The following KIAA1217 variants were observed in gnomAD, a reference collection of about 807,000 sequenced individuals.
The protein encoded by KIAA1217 is KIAA1217.
In KIAA1217, 88 loss-of-function variants were observed where a neutral mutation model predicts 163.9. The observed-to-expected ratio is 0.54, with a 90% CI of 0.45 to 0.64. KIAA1217 has a LOEUF of 0.64. Among genes scored for constraint, KIAA1217 ranks in the 30% least tolerant of loss-of-function variants. The pLI is 0.00. For missense variants in KIAA1217, 2,372 were observed against 2,475.0 expected, an observed-to-expected ratio of 0.96 and a Z score of 0.88; for synonymous variants, 903 against 923.1, an observed-to-expected ratio of 0.98 and a Z score of 0.39.
intron 10 of KIAA1217, among the ~76,000 whole-genome samples, chr10:24,519,635 C>T (rs917918432): frequency 2.0e-5 from 3 of 152,216 alleles, no homozygotes; most frequent in Middle Eastern, 3.4e-3. Flanking sequence ...CGTGCAGTTT[C>T]CCCACACCAC....
chr10:24,312,597 G>A (rs1281565596), intron 2 of KIAA1217, among the ~76,000 whole-genome samples: 1 of 152,026 alleles, frequency 6.6e-6, no homozygotes, highest in Non-Finnish European at 1.5e-5. Context: ...CCAGCCTGGT[G>A]ACAGAATGAG....
chr10:24,517,125 C>T (rs932560176), intron 10 of KIAA1217, among the ~76,000 whole-genome samples: 3 of 150,164 alleles, frequency 2.0e-5, no homozygotes, highest in African/African-American at 7.4e-5. Context: ...CAAGGCTGCA[C>T]GATCACACCA....
At chr10:24,077,391 C>T (rs935437288) in intron 2 of KIAA1217, among the ~76,000 whole-genome samples, 2 of 152,166 alleles carry the variant, frequency 1.3e-5, no homozygotes, top group Non-Finnish European at 2.9e-5. Context: ...ACCGTGTGTT[C>T]TCATCATTCA....
chr10:24,215,541 C>T (rs929715814), intron 1 of KIAA1217, among the ~76,000 whole-genome samples: 9 of 152,204 alleles, frequency 5.9e-5, no homozygotes, highest in African/African-American at 2.2e-4. Context: ...TGGCCAGGCT[C>T]AGATCTCTGA....
intron 3 of KIAA1217, among the ~76,000 whole-genome samples, chr10:24,431,284 C>T (rs748486422): frequency 1.3e-5 from 2 of 152,168 alleles, no homozygotes; most frequent in Non-Finnish European, 2.9e-5. Context: ...GTAGTTCACC[C>T]CCAGTAGATT....
At chr10:24,193,564 T>C (rs969566370) in intron 2 of KIAA1217, among the ~76,000 whole-genome samples, 1 of 152,222 alleles carries the variant, frequency 6.6e-6, no homozygotes, top group Non-Finnish European at 1.5e-5. Context: ...TTCCTTTATC[T>C]GTGGGGGAGA....
At chr10:23,813,755 G>A (rs1837183776) in intron 1 of KIAA1217, among the ~76,000 whole-genome samples, 1 of 152,182 alleles carries the variant, frequency 6.6e-6, no homozygotes, top group African/African-American at 2.4e-5. Context: ...AAGAAGTAGA[G>A]TAACTGGGTC....
chr10:23,744,450 A>G (rs925122708), intron 1 of KIAA1217, among the ~76,000 whole-genome samples: 3 of 152,170 alleles, frequency 2.0e-5, no homozygotes, highest in Non-Finnish European at 4.4e-5. Flanking sequence ...TGTCAGTGGA[A>G]GGTGACAAAG....
At chr10:24,387,613 T>G (rs1039067101) in intron 3 of KIAA1217, among the ~76,000 whole-genome samples, 2 of 152,074 alleles carry the variant, frequency 1.3e-5, no homozygotes, top group Non-Finnish European at 2.9e-5. Flanking sequence ...GAAGTCAAAT[T>G]CTCCCTGTTT....
At chr10:23,704,782 T>G (rs775266466) in intron 1 of KIAA1217, among the ~76,000 whole-genome samples, 3 of 152,084 alleles carry the variant, frequency 2.0e-5, no homozygotes, top group Non-Finnish European at 2.9e-5. Context: ...ATACAAGTCT[T>G]TTTATGGGTA....
chr10:24,410,002 T>TTC (rs1473410487), intron 3 of KIAA1217, among the ~76,000 whole-genome samples: 17 of 146,712 alleles, frequency 1.2e-4, no homozygotes, highest in African/African-American at 4.0e-4. Context: ...TTTTTCTTTT[T>TTC]TTTTTTTTTT....
intron 1 of KIAA1217, among the ~76,000 whole-genome samples, chr10:23,792,401 C>T (rs902704887): frequency 4.6e-5 from 7 of 152,002 alleles, no homozygotes; most frequent in East Asian, 1.9e-4. Flanking sequence ...GTAAACTTTC[C>T]GCATATTAGT....
chr10:23,824,646 A>T (rs1261007562), intron 1 of KIAA1217, among the ~76,000 whole-genome samples: 19 of 97,376 alleles, frequency 2.0e-4, no homozygotes, highest in Admixed American at 2.4e-4. Flanking sequence ...AAAAAAAAAA[A>T]AAAATAAAAA....
intron 1 of KIAA1217, among the ~76,000 whole-genome samples, chr10:23,720,256 G>T (rs61849175): frequency 6.6e-6 from 1 of 152,218 alleles, no homozygotes; most frequent in South Asian, 2.1e-4. Context: ...GTTGGAGAGA[G>T]GGGTGGGGCA....
At chr10:24,128,170 A>G (rs1332911068) in intron 2 of KIAA1217, among the ~76,000 whole-genome samples, 5 of 152,142 alleles carry the variant, frequency 3.3e-5, no homozygotes, top group African/African-American at 7.2e-5. Flanking sequence ...TATTTTCTTA[A>G]TTAAGAATTA....
intron 1 of KIAA1217, among the ~76,000 whole-genome samples, chr10:23,974,608 G>A (rs961737299): frequency 2.0e-5 from 3 of 152,024 alleles, no homozygotes; most frequent in Admixed American, 6.5e-5. Flanking sequence ...TCACTATATT[G>A]CCCAGGAACT....
chr10:23,982,091 A>G (rs1373466202), intron 1 of KIAA1217, among the ~76,000 whole-genome samples: 1 of 151,940 alleles, frequency 6.6e-6, no homozygotes, highest in Non-Finnish European at 1.5e-5. Flanking sequence ...CAGAAGCTGC[A>G]GGAAATCTTG....
intron 1 of KIAA1217, among the ~76,000 whole-genome samples, chr10:23,962,378 C>G (rs900420950): frequency 1.3e-5 from 2 of 152,208 alleles, no homozygotes; most frequent in African/African-American, 4.8e-5. Context: ...GATATTAACT[C>G]AAACATGGCA....
chr10:24,224,866 A>G (rs373829026), intron 2 of KIAA1217, among the ~76,000 whole-genome samples: 151 of 132,554 alleles, frequency 1.1e-3, no homozygotes, highest in East Asian at 8.1e-3. Context: ...TCACTCTGTC[A>G]CCCAGGCTGG....
Sources: gnomAD v4.1 joint callset for allele counts (sites outside exome capture counted in the v4.1 genomes callset) on GRCh38, gnomAD v4.1.1 for gene constraint, MANE v1.5 for transcripts, NCBI Gene and HGNC (gene_info 2026-07-23, HGNC 2026-07-21) for gene names.